SPACA1: variants seen among roughly 807,000 people sequenced by gnomAD.
The protein encoded by SPACA1 is sperm acrosome membrane-associated protein 1.
SPACA1 carries 17 observed loss-of-function variants against 32.6 expected under a neutral mutation model. The ratio of observed to expected loss-of-function variants is 0.52; its 90% CI spans 0.36 to 0.78. SPACA1 has a LOEUF of 0.78. Ranked by LOEUF, SPACA1 falls within the 30% of genes least tolerant of loss-of-function variation. The pLI is 0.01. For synonymous variants in SPACA1, 140 were observed against 138.1 expected, an observed-to-expected ratio of 1.01 and a Z score of -0.10; for missense variants, 363 against 373.4, an observed-to-expected ratio of 0.97 and a Z score of 0.23.
intron 5 of SPACA1, among the ~76,000 whole-genome samples, chr6:88,062,202 T>G (rs867466880): frequency 1.3e-5 from 2 of 152,214 alleles, no homozygotes; most frequent in Non-Finnish European, 2.9e-5. Flanking sequence ...AGCTCTAGAA[T>G]TACTAGGCAA....
chr6:88,065,038 A>G (rs1286971388), intron 6 of SPACA1, among the ~76,000 whole-genome samples: 1 of 148,914 alleles, frequency 6.7e-6, no homozygotes, highest in Non-Finnish European at 1.5e-5. Flanking sequence ...TCACATATAT[A>G]TGTAGTATGT....
At chr6:88,048,949 T>C (rs984265526) in intron 1 of SPACA1, among the ~76,000 whole-genome samples, 1 of 152,222 alleles carries the variant, frequency 6.6e-6, no homozygotes, top group Non-Finnish European at 1.5e-5. Flanking sequence ...GCAATTCTTT[T>C]AATATTGTTT....
At chr6:88,064,029 A>G (rs1198380973) in intron 5 of SPACA1, 70 bp from the exon 6 acceptor site, 1 of 1,518,334 alleles carries the variant, frequency 6.6e-7, no homozygotes, top group Non-Finnish European at 8.8e-7. Context: ...TCAAATATAA[A>G]CTTTTAAGTT....
intron 1 of SPACA1, among the ~76,000 whole-genome samples, chr6:88,048,669 G>A (rs1260319899): frequency 6.6e-6 from 1 of 152,156 alleles, no homozygotes; most frequent in African/African-American, 2.4e-5. Flanking sequence ...GTGCGGCCTC[G>A]GACAAAGGAA....
intron 1 of SPACA1, among the ~76,000 whole-genome samples, chr6:88,051,368 C>T (rs969762466): frequency 3.3e-5 from 5 of 152,116 alleles, no homozygotes; most frequent in Non-Finnish European, 5.9e-5. Context: ...TCTTGGAATA[C>T]TTCTAAGGAA....
chr6:88,066,422 A>G lies in SPACA1; in HGVS notation c.*87A>G. ...AATAAAATACACATTGAAATACTTTAATAATGTTGCGATGGATTGCCACAG... is the reference window on the plus strand; with the variant it reads ...AATAAAATACACATTGAAATACTTTGATAATGTTGCGATGGATTGCCACAG... On this transcript the variant is annotated 3_prime_UTR_variant, in exon 7 of 7. Coordinates refer to ENST00000237201, the MANE Select transcript of SPACA1 (RefSeq NM_030960.3). The G allele has an allele frequency of 7.8e-7, 1 of 1,290,036 alleles. No individual in the cohort carries two copies. The highest frequency in any genetic ancestry group is 1.0e-6 in the Non-Finnish European group (1 of 965,470). The allele number at this position is 1,290,036 out of a possible 1,614,324, so 79.9% of individuals were successfully genotyped here.
At chr6:88,047,332 T>G (rs1025433621), upstream of SPACA1, among the ~76,000 whole-genome samples, 1 of 152,204 alleles carries the variant, frequency 6.6e-6, no homozygotes, top group African/African-American at 2.4e-5. Flanking sequence ...AAATTTCTTC[T>G]TACTCAAAGT....
intron 1 of SPACA1, among the ~76,000 whole-genome samples, chr6:88,049,456 A>T (rs1049760541): frequency 1.3e-5 from 2 of 152,136 alleles, no homozygotes; most frequent in Non-Finnish European, 2.9e-5. Flanking sequence ...TTTCATGCAT[A>T]AGTGCTTTTT....
At chr6:88,061,059 C>T (rs908143815) in intron 5 of SPACA1, among the ~76,000 whole-genome samples, 5 of 152,198 alleles carry the variant, frequency 3.3e-5, no homozygotes, top group Non-Finnish European at 5.9e-5. Context: ...CAATTGGGTA[C>T]ACCACTGCAA....
intron 5 of SPACA1, among the ~76,000 whole-genome samples, chr6:88,060,689 A>G (rs1192797173): frequency 6.6e-6 from 1 of 152,244 alleles, no homozygotes; most frequent in African/African-American, 2.4e-5. Context: ...GCTCTAAAAA[A>G]GGCAAGAGAA....
Position 88,061,721 on chromosome 6 carries a change from G to T in SPACA1, c.610+2133G>T, listed in dbSNP as rs576554616. On this transcript the variant is annotated intron_variant, in intron 5 of 6. Coordinates refer to ENST00000237201, the MANE Select transcript of SPACA1 (RefSeq NM_030960.3). ...CAAAACTGCGAGACAATACATTTCTGTTGTTTTCGTCACCCAGTTTGTGGT... is the reference window on the plus strand; with the variant it reads ...CAAAACTGCGAGACAATACATTTCTTTTGTTTTCGTCACCCAGTTTGTGGT... 1.4e-4 allele frequency among the ~76,000 whole-genome samples: 19 copies of T among 131,148 alleles called. No homozygotes were observed. In the East Asian group the frequency reaches 3.9e-3, roughly 27 times the overall value. The allele number at this position is 131,148 out of a possible 152,430, so 86.0% of individuals were successfully genotyped here. A position where few individuals can be genotyped will look rare whatever the true frequency, so the allele number is the denominator to read the frequency against.
chr6:88,056,462 G>A lies in SPACA1; in HGVS notation c.266-1150G>A, dbSNP rs187904995. On this transcript the variant is annotated intron_variant, in intron 2 of 6. Coordinates refer to ENST00000237201, the MANE Select transcript of SPACA1 (RefSeq NM_030960.3). ...TTCCATCCTTCCATTTTCTTGTTTC[G>A]TATGTAGCCTTCTCCCTTACTATTC... Among the ~76,000 whole-genome samples, 212 of 152,168 alleles carry A rather than the reference G, an allele frequency of 1.4e-3. 1 individual carries two copies. Among genetic ancestry groups the A allele is most frequent in the African/African-American group, 4.9e-3 (202 of 41,514 alleles).
At chr6:88,065,258 G>A (rs1435140378) in intron 6 of SPACA1, among the ~76,000 whole-genome samples, 1 of 148,040 alleles carries the variant, frequency 6.8e-6, no homozygotes, top group Non-Finnish European at 1.5e-5. Context: ...TAATATATAT[G>A]TATCACAGAC....
intron 5 of SPACA1, among the ~76,000 whole-genome samples, chr6:88,060,252 C>T (rs926985582): frequency 2.6e-5 from 4 of 152,076 alleles, no homozygotes; most frequent in Admixed American, 2.6e-4. Context: ...TAATTATTTC[C>T]TTTTGTTCAG....
intron 1 of SPACA1, among the ~76,000 whole-genome samples, chr6:88,050,404 A>G (rs1434602425): frequency 1.3e-5 from 2 of 152,240 alleles, no homozygotes; most frequent in Non-Finnish European, 2.9e-5. Flanking sequence ...GATTTTGCTT[A>G]TACAATCAAT....
At chr6:88,058,913 A>G in intron 4 of SPACA1, 91 bp downstream of exon 4, 7 of 837,528 alleles carry the variant, frequency 8.4e-6, no homozygotes, top group Non-Finnish European at 1.1e-5. Context: ...CTTTCTTTTT[A>G]AAAGCAGTTT....
At chr6:88,056,034 T>C (rs1353714624) in intron 2 of SPACA1, among the ~76,000 whole-genome samples, 2 of 151,914 alleles carry the variant, frequency 1.3e-5, no homozygotes, top group Non-Finnish European at 2.9e-5. Context: ...AGCATGTTAA[T>C]TACTTCGGAA....
intron 1 of SPACA1, among the ~76,000 whole-genome samples, chr6:88,052,830 C>T (rs754586697): frequency 3.9e-5 from 6 of 152,154 alleles, no homozygotes; most frequent in Non-Finnish European, 7.4e-5. Flanking sequence ...GAGCAAGACT[C>T]TCTCGGAAAA....
intron 6 of SPACA1, among the ~76,000 whole-genome samples, chr6:88,065,895 A>G (rs1441658040): frequency 6.6e-6 from 1 of 151,858 alleles, no homozygotes; most frequent in East Asian, 1.9e-4. Flanking sequence ...TAAAGTATAC[A>G]GTTCAGTAGT....
Sources: allele counts gnomAD v4.1 joint callset (sites outside exome capture counted in the v4.1 genomes callset), GRCh38; gene constraint gnomAD v4.1.1; transcripts MANE v1.5; gene names NCBI Gene and HGNC (gene_info 2026-07-23, HGNC 2026-07-21).